Variants in NLRP5 observed in about 807,000 individuals in gnomAD.
The protein encoded by NLRP5 is NACHT, LRR and PYD domains-containing protein 5.
In NLRP5, 93 loss-of-function variants were observed where a neutral mutation model predicts 113.1. The observed-to-expected ratio is 0.82, with a 90% confidence interval of 0.70 to 0.98. The LOEUF (loss-of-function observed/expected upper bound fraction) is 0.98, where lower values mean the gene tolerates loss of function less well. Ranked by LOEUF, NLRP5 falls within the 50% of genes least tolerant of loss-of-function variation. The probability of loss-of-function intolerance (pLI) is 0.00; values close to 1 mark genes in which losing one functional copy is unlikely to be tolerated. For missense variants in NLRP5, 1,808 were observed against 1,514.3 expected (o/e 1.19, Z -3.22); for synonymous variants, 751 against 600.7 (o/e 1.25, Z -3.66).
the NLRP5 span, among the ~76,000 whole-genome samples, chr19:55,990,079 C>CTTTTTTTTTTTT: frequency 1.0e-5 from 1 of 95,958 alleles, no homozygotes; most frequent in African/African-American, 4.0e-5. Context: ...TTTCTTTTTT[C>CTTTTTTTTTTTT]TTTTTTTTTT....
chr19:55,998,646 T>G (rs1981421475), upstream of NLRP5, among the ~76,000 whole-genome samples: 1 of 101,790 alleles, frequency 9.8e-6, no homozygotes, highest in Non-Finnish European at 2.0e-5. Flanking sequence ...ATGCAAGCCT[T>G]CGTCTCAAAA....
chr19:56,008,666 C>A, intron 2 of NLRP5, 122 bp from the exon 3 acceptor site: 1 of 824,612 alleles, frequency 1.2e-6, no homozygotes, highest in Non-Finnish European at 2.0e-6. Flanking sequence ...ATGGAATAAA[C>A]TGAGATCCTG....
chr19:56,049,106 C>T (rs1983835457), intron 11 of NLRP5, among the ~76,000 whole-genome samples: 1 of 150,072 alleles, frequency 6.7e-6, no homozygotes, highest in Non-Finnish European at 1.5e-5. Flanking sequence ...CTCAGCCTCC[C>T]AAGTAGCTGG....
At chr19:56,047,476 T>C (rs909384807) in intron 11 of NLRP5, among the ~76,000 whole-genome samples, 1 of 152,218 alleles carries the variant, frequency 6.6e-6, no homozygotes, top group Non-Finnish European at 1.5e-5. Flanking sequence ...TCTGTATTCA[T>C]TTTTGACCCA....
At chr19:56,008,950 T>C (rs1001226239) in intron 3 of NLRP5, 97 bp downstream of exon 3, 1 of 1,053,130 alleles carries the variant, frequency 9.5e-7, no homozygotes, top group Non-Finnish European at 1.4e-6. Context: ...TCTGATAGTC[T>C]AGTGTTCTTT....
Position 56,015,748 on chromosome 19 carries a change from C to A in NLRP5, c.515C>A (p.Ser172Ter). ...TCTCCCTTCTCTTTTGCAGGAATTT[C>A]ACAAGCTGTGCAACAAGATAGTGCC... The change falls in exon 4 of 15, where the codon TCA (serine) becomes TAA (stop). Residue 172 changes from serine (S) to a stop codon, truncating the protein, a stop_gained. Coordinates refer to ENST00000390649, the MANE Select transcript of NLRP5 (RefSeq NM_153447.4). LOFTEE classifies it high-confidence loss of function. 6.4e-7 allele frequency: 1 copy of A among 1,568,452 alleles called. No homozygotes were observed. The highest frequency in any genetic ancestry group is 1.3e-5 in the African/African-American group (1 of 74,074).
intron 12 of NLRP5, among the ~76,000 whole-genome samples, chr19:56,053,013 C>T (rs1420081564): frequency 2.6e-5 from 4 of 152,168 alleles, no homozygotes; most frequent in Non-Finnish European, 5.9e-5. Context: ...AGGAGAATTG[C>T]TTGAACCCAG....
chr19:56,059,222 T>G (rs1426373858), intron 14 of NLRP5, among the ~76,000 whole-genome samples: 2 of 152,180 alleles, frequency 1.3e-5, no homozygotes, highest in Non-Finnish European at 2.9e-5. Flanking sequence ...CATTTCAGCT[T>G]CCCCTCTCAT....
intron 6 of NLRP5, 138 bp from the exon 7 acceptor site, chr19:56,026,775 G>T: frequency 2.5e-6 from 2 of 811,576 alleles, no homozygotes; most frequent in Non-Finnish European, 1.9e-6. Context: ...ACGGGGCTTT[G>T]CCATTGACCA....
At position 56,023,606 on chromosome 19, in the gene NLRP5, C is replaced by T. The variant is rs143796936; in HGVS notation, c.679+3175C>T. On this transcript the variant is annotated intron_variant, in intron 6 of 14. Transcript: ENST00000390649. ...AGTAGCCTAGAGATGACTTAACCTACGTGGGAAGAATCCACACAAATGAAG... is the reference window on the plus strand; with the variant it reads ...AGTAGCCTAGAGATGACTTAACCTATGTGGGAAGAATCCACACAAATGAAG... 1.6e-3 allele frequency among the ~76,000 whole-genome samples: 251 copies of T among 152,160 alleles called. 1 individual carries two copies. The highest frequency in any genetic ancestry group is 5.5e-3 in the African/African-American group (228 of 41,500).
the NLRP5 span, among the ~76,000 whole-genome samples, chr19:55,991,891 G>C: frequency 6.6e-6 from 1 of 151,954 alleles, no homozygotes. Context: ...TTTTAGTTTT[G>C]GGGGTACATG....
intron 6 of NLRP5, among the ~76,000 whole-genome samples, chr19:56,021,322 TG>T (rs1392531944): frequency 3.9e-5 from 6 of 152,234 alleles, no homozygotes; most frequent in African/African-American, 1.4e-4. Flanking sequence ...GAGGCTTTTT[TG>T]TTGAGATATA....
intron 1 of NLRP5, among the ~76,000 whole-genome samples, chr19:56,001,719 A>G (rs74706913): frequency 0.12 from 18,238 of 152,194 alleles, 1,262 homozygotes; most frequent in East Asian, 0.26. Context: ...TGACATGACA[A>G]GACTTTACTG....
At chr19:56,058,562 CATGCTGG>C (rs1486671527) in intron 14 of NLRP5, among the ~76,000 whole-genome samples, 152 bp downstream of exon 14, 21 of 152,160 alleles carry the variant, frequency 1.4e-4, no homozygotes, top group Non-Finnish European at 2.2e-4. Flanking sequence ...TTCTGAGTAC[CATGCTGG>C]ATGCTGGAGA....
Position 56,020,402 on chromosome 19 carries a change from G to T in NLRP5, c.650G>T (p.Gly217Val), listed in dbSNP as rs1244968266. 2.9e-5 allele frequency: 47 copies of T among 1,613,362 alleles called. No homozygotes were observed. The highest frequency in any genetic ancestry group is 3.9e-5 in the Non-Finnish European group (46 of 1,179,756). ...ATTTCACAAGCTATGGAACAAGAAG[G>T]TGCCACAGCAGCAGAGACAGAAGAA... is the stretch of plus-strand genomic sequence containing the variant. The change falls in exon 6 of 15, where the codon GGT becomes GTT. Residue 217 changes from glycine to valine, a missense_variant. Transcript: ENST00000390649.
chr19:56,007,511 G>A lies in NLRP5; in HGVS notation c.443-1277G>A, dbSNP rs1001933389. Among the ~76,000 whole-genome samples the A allele has an allele frequency of 5.3e-5, 8 of 151,142 alleles. 1 individual carries two copies. The highest frequency in any genetic ancestry group is 2.0e-4 in the African/African-American group (8 of 40,492). On this transcript the variant is annotated intron_variant, in intron 2 of 14. Coordinates refer to ENST00000390649, the MANE Select transcript of NLRP5 (RefSeq NM_153447.4). ...AGCATGGTAGAGAAAAACATTCTGAGCATAAAGTCAGGGCATCCCAAAGCC... is the reference window on the plus strand; with the variant it reads ...AGCATGGTAGAGAAAAACATTCTGAACATAAAGTCAGGGCATCCCAAAGCC...
At chr19:56,028,555 G>A in intron 7 of NLRP5, 46 bp downstream of exon 7, 1 of 1,542,346 alleles carries the variant, frequency 6.5e-7, no homozygotes, top group South Asian at 1.2e-5. Context: ...GCTGAGCTCT[G>A]TGTCTCTACT....
chr19:56,058,090 G>A (rs1984222582), intron 13 of NLRP5, 150 bp from the exon 14 acceptor site: 1 of 604,100 alleles, frequency 1.7e-6, no homozygotes, highest in Admixed American at 3.5e-5. Flanking sequence ...CCAGAAACTG[G>A]GAGGCAGAGC....
At chr19:56,029,126 A>G (rs910221234) in intron 7 of NLRP5, among the ~76,000 whole-genome samples, 1 of 152,126 alleles carries the variant, frequency 6.6e-6, no homozygotes, top group Admixed American at 6.5e-5. Flanking sequence ...CGTGCTGTCC[A>G]GTAGAGGGTT....
Sources: allele counts gnomAD v4.1 joint callset (sites outside exome capture counted in the v4.1 genomes callset), GRCh38; gene constraint gnomAD v4.1.1; transcripts MANE v1.5; gene names NCBI Gene and HGNC (gene_info 2026-07-23, HGNC 2026-07-21).